CYLC1: variants seen among roughly 807,000 people sequenced by gnomAD.
The protein encoded by CYLC1 is cylicin 1, also known as cylicin-1.
Under a neutral mutation model 31.6 loss-of-function variants are expected in CYLC1, and 2 were observed. The ratio of observed to expected loss-of-function variants is 0.06; its 90% CI spans 0.03 to 0.20. The LOEUF (loss-of-function observed/expected upper bound fraction) is 0.20. Ranked by LOEUF, CYLC1 falls within the 10% of genes least tolerant of loss-of-function variation. The pLI, the probability that CYLC1 is intolerant of heterozygous loss-of-function variation, is 1.00. For synonymous variants in CYLC1, 185 were observed against 153.0 expected, an observed-to-expected ratio of 1.21 and a Z score of -1.54; for missense variants, 595 against 424.1, an observed-to-expected ratio of 1.40 and a Z score of -3.54.
In CYLC1 at chrX:83,873,328, A is replaced by G. The variant is rs2031702043; in HGVS notation, c.620A>G (p.Lys207Arg). The G allele has an allele frequency of 1.7e-6, 2 of 1,202,972 alleles. No individual in the cohort carries two copies. The highest frequency in any genetic ancestry group is 2.2e-6 in the Non-Finnish European group (2 of 891,144). ...QKDKKDSKNS[K>R]KTNTEFLHTK... ...GATAAGAAAGATTCAAAGAATTCCA[A>G]GAAGACAAACACTGAATTCCTACAT... The change falls in exon 4 of 5, where the codon AAG (lysine) becomes AGG (arginine). Residue 207 changes from lysine (K) to arginine (R), a missense_variant. Lys to Arg is a conservative substitution (Grantham distance 26, BLOSUM62 2). Transcript: ENST00000329312.
intron 4 of CYLC1, among the ~76,000 whole-genome samples, chrX:83,883,998 A>G (rs1569337171): frequency 9.0e-6 from 1 of 111,616 alleles, no homozygotes. Context: ...AAAAATTACC[A>G]ACTAATTAAA....
chrX:83,877,372 C>T (rs954410301), intron 4 of CYLC1, among the ~76,000 whole-genome samples: 22 of 111,258 alleles, frequency 2.0e-4, no homozygotes, highest in Middle Eastern at 4.7e-3. Flanking sequence ...CCTTGGCTTC[C>T]CAAAGTGCTG....
intron 3 of CYLC1, among the ~76,000 whole-genome samples, chrX:83,872,410 A>C (rs2031678330): frequency 9.0e-6 from 1 of 110,517 alleles, no homozygotes; most frequent in African/African-American, 3.3e-5. Flanking sequence ...AAGACACTTT[A>C]AAAGCAGGAG....
chrX:83,876,257 C>G (rs2031756874), intron 4 of CYLC1, among the ~76,000 whole-genome samples: 1 of 110,194 alleles, frequency 9.1e-6, no homozygotes, highest in Admixed American at 9.8e-5. Context: ...TGATTAATGA[C>G]CCCCTTGCTC....
chrX:83,875,782 T>C (rs2031749030), intron 4 of CYLC1, among the ~76,000 whole-genome samples: 1 of 111,238 alleles, frequency 9.0e-6, no homozygotes, highest in African/African-American at 3.3e-5. Flanking sequence ...CTATGATTTT[T>C]GGTTGGGTGT....
At chrX:83,879,960 A>C (rs1300075714) in intron 4 of CYLC1, among the ~76,000 whole-genome samples, 1 of 112,068 alleles carries the variant, frequency 8.9e-6, no homozygotes, top group Non-Finnish European at 1.9e-5. Context: ...TTTAATTTGC[A>C]TTCTCCTAAA....
chrX:83,886,231 G>A (rs1351383180), intron 4 of CYLC1, among the ~76,000 whole-genome samples: 1 of 110,764 alleles, frequency 9.0e-6, no homozygotes. Context: ...TAACATTGCT[G>A]GGCCTTGGCT....
chrX:83,878,620 C>T (rs2031864057), intron 4 of CYLC1, among the ~76,000 whole-genome samples: 2 of 96,308 alleles, frequency 2.1e-5, no homozygotes, highest in African/African-American at 7.6e-5. Flanking sequence ...GAATTTGGTC[C>T]CTCTAAAGAG....
chrX:83,878,444 A>AATATATATAAAT (rs2031855608), intron 4 of CYLC1, among the ~76,000 whole-genome samples: 1 of 38,789 alleles, frequency 2.6e-5, no homozygotes, highest in African/African-American at 1.2e-4. Flanking sequence ...AATATATATA[A>AATATATATAAAT]ATATATATAA....
rs911084308 is a variant in CYLC1, at chrX:83,881,811, C to G, written c.1924-4741C>G. On this transcript the variant is annotated intron_variant, in intron 4 of 4. Transcript: ENST00000329312. ...TCCCAGTTTCAAGCGATTCTCCTGC[C>G]TCAGCCTCCCGTGTAGCTGGGACTA... 2.8e-5 allele frequency among the ~76,000 whole-genome samples: 3 copies of G among 107,233 alleles called. No homozygotes were observed. The East Asian group carries it at 8.8e-4, about 31-fold the overall frequency. 93.1% of individuals were successfully genotyped at this position (107,233 alleles called of 115,157 possible). A position where few individuals can be genotyped will look rare whatever the true frequency, so the allele number is the denominator to read the frequency against.
chrX:83,877,957 T>A (rs1382360281), intron 4 of CYLC1, among the ~76,000 whole-genome samples: 1 of 77,279 alleles, frequency 1.3e-5, no homozygotes, highest in African/African-American at 4.9e-5. Flanking sequence ...TATATAAATA[T>A]AAATATATAT....
intron 4 of CYLC1, among the ~76,000 whole-genome samples, chrX:83,880,784 T>C (rs2031897139): frequency 9.0e-6 from 1 of 111,553 alleles, no homozygotes; most frequent in South Asian, 3.7e-4. Context: ...TAACAATGCA[T>C]GTGGCTTTTA....
chrX:83,884,812 CT>C (rs1235196054), intron 4 of CYLC1, among the ~76,000 whole-genome samples: 1 of 110,653 alleles, frequency 9.0e-6, no homozygotes. Context: ...ATAGAGACTC[CT>C]TCATCACCAG....
At chrX:83,883,962 C>T (rs1391592460) in intron 4 of CYLC1, among the ~76,000 whole-genome samples, 1 of 111,431 alleles carries the variant, frequency 9.0e-6, no homozygotes, top group African/African-American at 3.3e-5. Context: ...AAGATTTTGA[C>T]AGAGACAATG....
At position 83,874,135 on chromosome X, in the gene CYLC1, A is replaced by T; in HGVS notation, c.1427A>T (p.Asp476Val). The T allele has an allele frequency of 8.3e-7, 1 of 1,202,788 alleles. No homozygotes were observed. The highest frequency in any genetic ancestry group is 1.1e-6 in the Non-Finnish European group (1 of 891,696). Residue 476 changes from aspartate to valine, a missense_variant, in exon 4 of 5, where the codon GAT (aspartate) becomes GTT (valine). Coordinates refer to ENST00000329312, the MANE Select transcript of CYLC1 (RefSeq NM_021118.3). Reference protein sequence around the residue: ...KDSKKDDKKKDAKKNAESTEM... With the variant: ...KDSKKDDKKKVAKKNAESTEM... Reference sequence around the variant, plus strand: ...TCAAAGAAAGATGACAAAAAGAAGGATGCAAAGAAAAATGCAGAATCTACT... The same window carrying T: ...TCAAAGAAAGATGACAAAAAGAAGGTTGCAAAGAAAAATGCAGAATCTACT...
At chrX:83,883,106 C>T (rs2031934742) in intron 4 of CYLC1, among the ~76,000 whole-genome samples, 1 of 111,198 alleles carries the variant, frequency 9.0e-6, no homozygotes, top group South Asian at 3.7e-4. Context: ...TATATTGCCC[C>T]TCTTTTTTCT....
rs1353493847 is a variant in CYLC1, at chrX:83,874,365, G to A, written c.1657G>A (p.Gly553Arg). 1 of 1,209,793 alleles carries A rather than the reference G, an allele frequency of 8.3e-7. No homozygotes were observed. The highest frequency in any genetic ancestry group is 2.2e-5 in the Admixed American group (1 of 45,811). ...ATCTGAAGAGTCACTATATAAACCT[G>A]GGGCTAAGAAGAAAATTGATGAATC... ...TESEESLYKP[G>R]AKKKIDESDG... The change falls in exon 4 of 5, where the codon GGG (glycine) becomes AGG (arginine). Residue 553 changes from glycine to arginine, a missense_variant. Gly to Arg is a moderately radical substitution (Grantham distance 125, BLOSUM62 -2). Transcript: ENST00000329312.
At chrX:83,865,452 GCA>G (rs1359629039) in intron 1 of CYLC1, among the ~76,000 whole-genome samples, 24 of 111,547 alleles carry the variant, frequency 2.2e-4, no homozygotes. Flanking sequence ...TTAGATTATT[GCA>G]AAAACCTCTG....
rs1215748801 is a variant in CYLC1 at position 83,873,981 on chromosome X, G to T, written c.1273G>T (p.Asp425Tyr). The change falls in exon 4 of 5, where the codon GAT (aspartate) becomes TAT (tyrosine). Residue 425 changes from aspartate (D) to tyrosine (Y), a missense_variant. Transcript: ENST00000329312. ...GGAGAGTCAGAAAGATGAAAAAAAG[G>T]ATAAAAAAGATTCAAAGACAGATAA... ...SKESQKDEKK[D>Y]KKDSKTDNKK... 1.7e-6 allele frequency: 2 copies of T among 1,177,397 alleles called. No homozygotes were observed. Among genetic ancestry groups the T allele is most frequent in the African/African-American group, 3.6e-5 (2 of 55,091 alleles).
Sources: gnomAD v4.1 joint callset for allele counts (sites outside exome capture counted in the v4.1 genomes callset) on GRCh38, gnomAD v4.1.1 for gene constraint, MANE v1.5 for transcripts, NCBI Gene and HGNC (gene_info 2026-07-23, HGNC 2026-07-21) for gene names.